GRIK3: variants seen among roughly 807,000 people sequenced by gnomAD.
GRIK3 encodes the protein glutamate receptor ionotropic, kainate 3.
Under a neutral mutation model 102.5 loss-of-function variants are expected in GRIK3, and 29 were observed. That is an observed-to-expected ratio of 0.28 (90% CI 0.21 to 0.39). The LOEUF is 0.39. Among genes scored for constraint, GRIK3 ranks in the 10% least tolerant of loss-of-function variants. The pLI, the probability that GRIK3 is intolerant of heterozygous loss-of-function variation, is 1.00. For synonymous variants in GRIK3, 511 were observed against 504.9 expected (o/e 1.01, Z -0.16); for missense variants, 908 against 1,252.4 (o/e 0.73, Z 4.15).
At chr1:36,962,871 G>A (rs1186600475) in intron 1 of GRIK3, among the ~76,000 whole-genome samples, 16 of 129,760 alleles carry the variant, frequency 1.2e-4, no homozygotes, top group South Asian at 5.0e-4. Flanking sequence ...GCAACAGAGC[G>A]AGACTCCCTC....
chr1:36,992,362 T>C (rs896098649), intron 1 of GRIK3, among the ~76,000 whole-genome samples: 7 of 151,966 alleles, frequency 4.6e-5, no homozygotes, highest in African/African-American at 7.3e-5. Flanking sequence ...ACGCCCACCT[T>C]GGGAAATCAG....
rs1352167284 is a variant in GRIK3, at chr1:36,797,464, G to C, written c.*4387C>G. On this transcript the variant is annotated 3_prime_UTR_variant, in exon 16 of 16. Coordinates refer to ENST00000373091, the MANE Select transcript of GRIK3 (RefSeq NM_000831.4). ...GATTTAAACTGCCATGGGGACAGAG[G>C]GCACGGCCCTTCCATGGCAGCCAGC... 1 of 152,142 alleles carries C rather than the reference G, an allele frequency of 6.6e-6. No individual in the cohort carries two copies. The highest frequency in any genetic ancestry group is 1.5e-5 in the Non-Finnish European group (1 of 68,034). The allele number at this position is 152,142 out of a possible 1,614,324, so 9.4% of individuals were successfully genotyped here.
chr1:36,830,591 C>T (rs1640262997), intron 10 of GRIK3, among the ~76,000 whole-genome samples: 1 of 151,948 alleles, frequency 6.6e-6, no homozygotes. Context: ...GGGTGGATTG[C>T]CTGAAGGCAG....
At chr1:36,994,094 A>G (rs892864345) in intron 1 of GRIK3, among the ~76,000 whole-genome samples, 3 of 152,174 alleles carry the variant, frequency 2.0e-5, no homozygotes, top group Non-Finnish European at 2.9e-5. Context: ...TGCTGGCCCA[A>G]TGGGCTGCTA....
In GRIK3 at chr1:36,941,226, T is replaced by C. The variant is rs1641715763; in HGVS notation, c.116-50130A>G. On this transcript the variant is annotated intron_variant, in intron 1 of 15. Transcript: ENST00000373091. ...CCAGGCAGCCTGGCAAGATGATCCC[T>C]GAGCCAGGACACAGCCTGCATCTAC... is the stretch of plus-strand genomic sequence containing the variant. Among the ~76,000 whole-genome samples the C allele has an allele frequency of 2.0e-5, 3 of 152,204 alleles. 1 individual carries two copies.
In GRIK3 at chr1:36,891,065, G is replaced by A. The variant is rs201832455; in HGVS notation, c.147C>T (p.Asn49=). ...GCTCCTCGGCATTCATGACCTGGGC[G>A]TTGGGGCCGTCCGCATACTCGAAGA... ...GGIFEYADGP[N]AQVMNAEEHA... is the part of the protein sequence containing the mutation. The change falls in exon 2 of 16, where the codon AAC becomes AAT. Residue 49 remains asparagine, a synonymous_variant. Transcript: ENST00000373091. 24 of 1,613,538 alleles carry A rather than the reference G, an allele frequency of 1.5e-5. No homozygotes were observed. Among genetic ancestry groups the A allele is most frequent in the African/African-American group, 9.3e-5 (7 of 75,036 alleles).
intron 1 of GRIK3, among the ~76,000 whole-genome samples, chr1:37,025,416 T>C (rs1411077082): frequency 6.6e-6 from 1 of 152,186 alleles, no homozygotes; most frequent in Non-Finnish European, 1.5e-5. Flanking sequence ...ATCTGCATCT[T>C]AATGAGTGCT....
rs1480684139 is a variant in GRIK3 at position 37,034,399 on chromosome 1, C to G, written c.-291G>C. On this transcript the variant is annotated 5_prime_UTR_variant, in exon 1 of 16. Transcript: ENST00000373091. ...CGGCTCCGGCTCCGACTCGCGTCGGCTCGGCTCCCGCGCGGGCTCCCACCT... is the reference window on the plus strand; with the variant it reads ...CGGCTCCGGCTCCGACTCGCGTCGGGTCGGCTCCCGCGCGGGCTCCCACCT... Among the ~76,000 whole-genome samples the G allele has an allele frequency of 6.6e-6, 1 of 151,000 alleles. No homozygotes were observed. The highest frequency in any genetic ancestry group is 1.5e-5 in the Non-Finnish European group (1 of 67,444).
intron 2 of GRIK3, among the ~76,000 whole-genome samples, chr1:36,888,843 C>G (rs772816816): frequency 1.3e-5 from 2 of 152,152 alleles, no homozygotes; most frequent in Non-Finnish European, 2.9e-5. Context: ...TTCTGTAGCT[C>G]TCTCTCATTT....
At chr1:36,810,792 C>T (rs1386079903) in intron 13 of GRIK3, among the ~76,000 whole-genome samples, 1 of 152,234 alleles carries the variant, frequency 6.6e-6, no homozygotes, top group Non-Finnish European at 1.5e-5. Flanking sequence ...TGGGTCATTT[C>T]TGTGGGGACA....
intron 1 of GRIK3, among the ~76,000 whole-genome samples, chr1:36,924,433 G>A (rs564035269): frequency 1.3e-5 from 2 of 152,250 alleles, no homozygotes; most frequent in African/African-American, 4.8e-5. Context: ...CTGAGGGTAG[G>A]GAGAGATTAG....
Position 36,880,878 on chromosome 1 carries a change from C to T in GRIK3, c.306G>A (p.Leu102=), listed in dbSNP as rs1288193296. ...CGAAGATCGCCACCACGCCCAGTGC[C>T]AGCTGGTCACAGGCTGCAACAGAGG... ...FEATKKACDQ[L]ALGVVAIFGP... is the part of the protein sequence containing the mutation. The change falls in exon 3 of 16, where the codon CTG becomes CTA. Residue 102 remains leucine (L), a synonymous_variant. Transcript: ENST00000373091. The surrounding 1 kb of genome is among the most constrained non-coding windows in gnomAD (Gnocchi z 5.4). 6.2e-7 allele frequency: 1 copy of T among 1,606,766 alleles called. No individual in the cohort carries two copies. Among genetic ancestry groups the T allele is most frequent in the African/African-American group, 1.3e-5 (1 of 74,770 alleles).
chr1:36,830,531 C>T (rs891703266), intron 10 of GRIK3, among the ~76,000 whole-genome samples: 19 of 152,178 alleles, frequency 1.2e-4, no homozygotes, highest in African/African-American at 1.9e-4. Flanking sequence ...AAGAGGAGAC[C>T]GGGCGCAGTG....
chr1:36,874,223 G>C (rs574046107), intron 3 of GRIK3, among the ~76,000 whole-genome samples: 41 of 152,294 alleles, frequency 2.7e-4, no homozygotes, highest in African/African-American at 9.9e-4. Flanking sequence ...ACACACCCCT[G>C]AGTCTGTTTA....
intron 6 of GRIK3, 116 bp from the exon 7 acceptor site, chr1:36,859,367 C>G: frequency 8.5e-7 from 1 of 1,174,968 alleles, no homozygotes; most frequent in Non-Finnish European, 1.2e-6. Context: ...GGTGAGCGAA[C>G]AGGCCCAGAG....
chr1:36,822,949 T>C (rs936866851), intron 11 of GRIK3, among the ~76,000 whole-genome samples: 4 of 152,154 alleles, frequency 2.6e-5, no homozygotes, highest in African/African-American at 9.7e-5. Context: ...GGTCCCCTGG[T>C]GTGGGCCAAA....
chr1:36,911,957 G>A (rs1183770122), intron 1 of GRIK3, among the ~76,000 whole-genome samples: 1 of 151,988 alleles, frequency 6.6e-6, no homozygotes, highest in Non-Finnish European at 1.5e-5. Context: ...CCCTCTTCAC[G>A]CACACCCACT....
chr1:36,807,193 T>G (rs114094708), intron 13 of GRIK3, among the ~76,000 whole-genome samples: 1,580 of 152,126 alleles, frequency 0.01, 30 homozygotes, highest in African/African-American at 0.036. Flanking sequence ...CAGGTCCAGT[T>G]GGTAGGATGC....
At position 36,872,386 on chromosome 1, in the gene GRIK3, C is replaced by T; in HGVS notation, c.551-17G>A. On this transcript the variant is annotated splice_polypyrimidine_tract_variant and intron_variant, in intron 3 of 15. Transcript: ENST00000373091. This position sits in a 1 kb window ranked among gnomAD's most constrained non-coding sequence, Gnocchi z 5.9. ...GGATGAGCCCTGAGGGGCCATGGAGCACAAAAGACACACGTGTACCACATG... is the reference window on the plus strand; with the variant it reads ...GGATGAGCCCTGAGGGGCCATGGAGTACAAAAGACACACGTGTACCACATG... 6.4e-7 allele frequency: 1 copy of T among 1,559,280 alleles called. No homozygotes were observed. The highest frequency in any genetic ancestry group is 8.7e-7 in the Non-Finnish European group (1 of 1,146,782).
Sources: allele counts gnomAD v4.1 joint callset (sites outside exome capture counted in the v4.1 genomes callset), GRCh38; gene constraint gnomAD v4.1.1; non-coding constraint Gnocchi (gnomAD v3.1); transcripts MANE v1.5; gene names NCBI Gene and HGNC (gene_info 2026-07-23, HGNC 2026-07-21).